STARD13: variants seen among roughly 807,000 people sequenced by gnomAD.
The protein encoded by STARD13 is StAR related lipid transfer domain containing 13.
In STARD13, 62 loss-of-function variants were observed where a neutral mutation model predicts 106.4. The observed-to-expected ratio is 0.58, with a 90% CI of 0.48 to 0.72. The LOEUF is 0.72. Ranked by LOEUF, STARD13 falls within the 30% of genes least tolerant of loss-of-function variation. The pLI is 0.00. For synonymous variants in STARD13, 565 were observed against 553.0 expected (o/e 1.02, Z -0.31); for missense variants, 1,387 against 1,424.0 (o/e 0.97, Z 0.42).
chr13:33,328,081 G>A (rs116707181), intron 1 of STARD13, among the ~76,000 whole-genome samples: 4 of 152,206 alleles, frequency 2.6e-5, no homozygotes, highest in African/African-American at 9.6e-5. Flanking sequence ...TTTGTTTTTC[G>A]TATACTGTCT....
chr13:33,358,693 G>A, the STARD13 span, among the ~76,000 whole-genome samples: 22 of 152,192 alleles, frequency 1.4e-4, no homozygotes, highest in Admixed American at 1.2e-3. Context: ...AGCATCCTGT[G>A]TTTAGCTCAA....
At chr13:33,434,426 A>G in the STARD13 span, among the ~76,000 whole-genome samples, 4 of 152,126 alleles carry the variant, frequency 2.6e-5, no homozygotes, top group African/African-American at 9.6e-5. Flanking sequence ...CAACTTATAC[A>G]CTTATTGAGC....
chr13:33,199,387 A>AATGTC (rs1200728748), intron 1 of STARD13, among the ~76,000 whole-genome samples: 1 of 152,204 alleles, frequency 6.6e-6, no homozygotes, highest in Non-Finnish European at 1.5e-5. Flanking sequence ...TTAAGTATAC[A>AATGTC]ATGTCACTAG....
intron 1 of STARD13, among the ~76,000 whole-genome samples, chr13:33,333,513 AG>A (rs2077860777): frequency 6.6e-6 from 1 of 152,232 alleles, no homozygotes; most frequent in South Asian, 2.1e-4. Context: ...ATTGCACCTT[AG>A]AAGGAGGCTG....
chr13:33,376,622 A>T, the STARD13 span, among the ~76,000 whole-genome samples: 9 of 144,158 alleles, frequency 6.2e-5, no homozygotes, highest in Non-Finnish European at 1.1e-4. Context: ...CCCCATCTTT[A>T]AAAAAAAAAA....
chr13:33,116,179 G>T (rs961424877), intron 8 of STARD13, among the ~76,000 whole-genome samples: 1 of 152,134 alleles, frequency 6.6e-6, no homozygotes, highest in Admixed American at 6.5e-5. Flanking sequence ...TTGTATGTCT[G>T]CCATACATGC....
At chr13:33,126,997 C>G (rs1196386719) in intron 6 of STARD13, among the ~76,000 whole-genome samples, 2 of 152,134 alleles carry the variant, frequency 1.3e-5, no homozygotes, top group East Asian at 1.9e-4. Flanking sequence ...AATCAATGCT[C>G]TAAGTGGTAA....
At chr13:33,435,907 G>A in the STARD13 span, among the ~76,000 whole-genome samples, 1 of 152,136 alleles carries the variant, frequency 6.6e-6, no homozygotes, top group Non-Finnish European at 1.5e-5. Flanking sequence ...TGAAACAGAA[G>A]AATAGGTACA....
At chr13:33,627,503 G>C in the STARD13 span, among the ~76,000 whole-genome samples, 1 of 152,026 alleles carries the variant, frequency 6.6e-6, no homozygotes, top group Non-Finnish European at 1.5e-5. Context: ...CGAGTGCGGT[G>C]GCGGGCACCT....
At chr13:33,225,753 T>TAAA (rs5802674) in intron 1 of STARD13, among the ~76,000 whole-genome samples, 3 of 148,640 alleles carry the variant, frequency 2.0e-5, no homozygotes, top group African/African-American at 7.4e-5. Context: ...TTTCCTTAAT[T>TAAA]AAAAAAAAAA....
chr13:33,542,662 C>T, the STARD13 span, among the ~76,000 whole-genome samples: 1 of 152,228 alleles, frequency 6.6e-6, no homozygotes, highest in African/African-American at 2.4e-5. Context: ...CCGTTCGGTT[C>T]CGGTTCTGGC....
chr13:33,320,061 G>C (rs1287359935), intron 1 of STARD13, among the ~76,000 whole-genome samples: 1 of 152,220 alleles, frequency 6.6e-6, no homozygotes, highest in Non-Finnish European at 1.5e-5. Context: ...TTTGTGTATT[G>C]AAAGCACTAA....
the STARD13 span, among the ~76,000 whole-genome samples, chr13:33,443,011 T>A: frequency 6.6e-6 from 1 of 152,118 alleles, no homozygotes; most frequent in African/African-American, 2.4e-5. Flanking sequence ...GATGAAGAGT[T>A]CTGGAGATGG....
chr13:33,111,380 A>C (rs142155821), intron 10 of STARD13, among the ~76,000 whole-genome samples: 236 of 152,340 alleles, frequency 1.5e-3, no homozygotes, highest in Non-Finnish European at 2.7e-3. Context: ...TACTTCTTTT[A>C]CATATCTGTG....
At position 33,167,943 on chromosome 13, in the gene STARD13, G is replaced by A. The variant is rs185366823; in HGVS notation, c.170-321C>T. Among the ~76,000 whole-genome samples, 4 of 151,532 alleles carry A rather than the reference G, an allele frequency of 2.6e-5. No homozygotes were observed. The East Asian group carries it at 7.8e-4, about 30-fold the overall frequency. On this transcript the variant is annotated intron_variant, in intron 1 of 13. Transcript: ENST00000336934. The stretch of plus-strand genomic sequence containing the variant: ...TCTTATTTATACACCAGGGAACCAG[G>A]GCACTAGGGGAAAAGAGGGCATTCT...
rs142522333 is a variant in STARD13 at position 33,129,565 on chromosome 13, G to A, written c.1112C>T (p.Ala371Val). Residue 371 changes from alanine to valine, a missense_variant, in exon 5 of 14, where the codon GCG (alanine) becomes GTG (valine). Physicochemically the swap from Ala to Val is moderately conservative, Grantham distance 64. Coordinates refer to ENST00000336934, the MANE Select transcript of STARD13 (RefSeq NM_178006.4). ...GMYLEDLDVL[A>V]GTALPDAGDQ... The stretch of plus-strand genomic sequence containing the variant: ...CCCTGCATCCGGCAGTGCTGTCCCC[G>A]CCAGCACATCTAGGTCCTCCAAGTA... The A allele has an allele frequency of 4.9e-4, 794 of 1,614,054 alleles. 3 individuals are homozygous for A. The African/African-American group carries it at 8.1e-3, about 17-fold the overall frequency.
At chr13:33,624,376 G>C in the STARD13 span, among the ~76,000 whole-genome samples, 1 of 152,226 alleles carries the variant, frequency 6.6e-6, no homozygotes, top group Non-Finnish European at 1.5e-5. Context: ...TGTGGGCCCC[G>C]CTGCGGGCAG....
At chr13:33,469,457 T>C in the STARD13 span, among the ~76,000 whole-genome samples, 1 of 152,206 alleles carries the variant, frequency 6.6e-6, no homozygotes, top group Non-Finnish European at 1.5e-5. Context: ...AAGTCTAGTT[T>C]ACATGATATC....
At chr13:33,643,866 T>G in the STARD13 span, among the ~76,000 whole-genome samples, 1 of 152,182 alleles carries the variant, frequency 6.6e-6, no homozygotes, top group Non-Finnish European at 1.5e-5. Flanking sequence ...ATTCTAGACA[T>G]CTGCTGAGAG....
Sources: gnomAD v4.1 joint callset for allele counts (sites outside exome capture counted in the v4.1 genomes callset) on GRCh38, gnomAD v4.1.1 for gene constraint, MANE v1.5 for transcripts, NCBI Gene and HGNC (gene_info 2026-07-23, HGNC 2026-07-21) for gene names.